PCDH11X: variants seen among roughly 807,000 people sequenced by gnomAD.
The protein encoded by PCDH11X is protocadherin-11 X-linked.
PCDH11X carries 18 observed loss-of-function variants against 53.3 expected under a neutral mutation model. The ratio of observed to expected loss-of-function variants is 0.34; its 90% CI spans 0.23 to 0.50. The LOEUF is 0.50. Ranked by LOEUF, PCDH11X falls within the 20% of genes least tolerant of loss-of-function variation. The probability of loss-of-function intolerance (pLI) is 0.98; values close to 1 mark genes in which losing one functional copy is unlikely to be tolerated. For missense variants in PCDH11X, 570 were observed against 1,032.4 expected (o/e 0.55, Z 6.14); for synonymous variants, 279 against 393.3 (o/e 0.71, Z 3.44).
intron 1 of PCDH11X, among the ~76,000 whole-genome samples, chrX:91,802,040 T>A (rs1266979721): frequency 8.8e-6 from 1 of 113,403 alleles, no homozygotes; most frequent in Non-Finnish European, 1.9e-5. Context: ...GGGCAGATAC[T>A]CTTCCTGTCC....
intron 6 of PCDH11X, among the ~76,000 whole-genome samples, chrX:92,190,072 C>T (rs1469534854): frequency 8.9e-6 from 1 of 111,786 alleles, no homozygotes; most frequent in African/African-American, 3.3e-5. Flanking sequence ...TTAATTAGAT[C>T]CCATTTTTCA....
At chrX:92,302,249 G>A (rs2068739533) in intron 8 of PCDH11X, among the ~76,000 whole-genome samples, 1 of 111,250 alleles carries the variant, frequency 9.0e-6, no homozygotes, top group Non-Finnish European at 1.9e-5. Context: ...TCAGGTAAAA[G>A]GGAATGTTGT....
At position 92,071,409 on chromosome X, in the gene PCDH11X, A is replaced by G. The variant is rs773474123; in HGVS notation, c.3034-129966A>G. On this transcript the variant is annotated intron_variant, in intron 6 of 10. Transcript: ENST00000682573. ...GATTTTCCTCAAAACAGTTTTTTGA[A>G]TTATCTCTCTGAAACATCATATATC... 4.5e-5 allele frequency among the ~76,000 whole-genome samples: 5 copies of G among 111,326 alleles called. No individual in the cohort carries two copies. In the East Asian group the frequency reaches 1.4e-3, roughly 32 times the overall value.
chrX:92,160,897 G>A (rs1313473065), intron 6 of PCDH11X, among the ~76,000 whole-genome samples: 1 of 110,624 alleles, frequency 9.0e-6, no homozygotes, highest in Non-Finnish European at 1.9e-5. Context: ...TCACATTGTG[G>A]TTTTTATTTG....
At chrX:92,104,787 C>A (rs1212641896) in intron 6 of PCDH11X, among the ~76,000 whole-genome samples, 2 of 109,383 alleles carry the variant, frequency 1.8e-5, no homozygotes, top group African/African-American at 6.7e-5. Flanking sequence ...AGAGTTGGGG[C>A]ACGGAAATAA....
chrX:91,905,721 A>G (rs990625718), intron 6 of PCDH11X, among the ~76,000 whole-genome samples: 1 of 111,447 alleles, frequency 9.0e-6, no homozygotes, highest in Admixed American at 9.6e-5. Context: ...CCTCTGTGTC[A>G]ACTCTACACT....
At chrX:92,225,061 A>G (rs999894236) in intron 7 of PCDH11X, among the ~76,000 whole-genome samples, 3 of 111,720 alleles carry the variant, frequency 2.7e-5, no homozygotes, top group Admixed American at 9.6e-5. Flanking sequence ...TATTGCAACA[A>G]CTATTAAAAA....
At chrX:92,039,906 T>C (rs2760007) in intron 6 of PCDH11X, among the ~76,000 whole-genome samples, 25,876 of 96,460 alleles carry the variant, frequency 0.27, 5,280 homozygotes, top group African/African-American at 0.52. Context: ...TTACTCAGAG[T>C]CTATTGAATT....
intron 6 of PCDH11X, among the ~76,000 whole-genome samples, chrX:91,914,169 A>G (rs1234253716): frequency 1.8e-5 from 2 of 110,558 alleles, no homozygotes; most frequent in South Asian, 7.8e-4. Flanking sequence ...ACTGCAGACC[A>G]GCTTTCAGGA....
chrX:92,332,188 T>C (rs1216849787), intron 8 of PCDH11X, among the ~76,000 whole-genome samples: 1 of 112,325 alleles, frequency 8.9e-6, no homozygotes, highest in Non-Finnish European at 1.9e-5. Flanking sequence ...TTGAAGAAAA[T>C]GGCATGATAT....
chrX:92,359,078 T>C (rs1201526171), intron 8 of PCDH11X, among the ~76,000 whole-genome samples: 2 of 109,479 alleles, frequency 1.8e-5, no homozygotes, highest in Admixed American at 2.0e-4. Context: ...GGCTATTTTT[T>C]CATCTAATTT....
chrX:91,784,258 G>A (rs1167242190), intron 1 of PCDH11X, among the ~76,000 whole-genome samples: 1 of 112,211 alleles, frequency 8.9e-6, no homozygotes, highest in Admixed American at 9.4e-5. Context: ...ATACATTGAT[G>A]TATTACAGTA....
rs768123942 is a variant in PCDH11X at position 91,800,006 on chromosome X, T to C, written c.-378-9460T>C. ...CGGGAGGCTGAGGCACAAGAATCGCTTGAACCCGGGAGGCGGAGGTTGCAG... is the reference window on the plus strand; with the variant it reads ...CGGGAGGCTGAGGCACAAGAATCGCCTGAACCCGGGAGGCGGAGGTTGCAG... On this transcript the variant is annotated intron_variant, in intron 1 of 10. Transcript: ENST00000682573. 9.8e-5 allele frequency among the ~76,000 whole-genome samples: 11 copies of C among 112,463 alleles called. No individual in the cohort carries two copies. In the East Asian group the frequency reaches 3.1e-3, roughly 32 times the overall value.
intron 6 of PCDH11X, among the ~76,000 whole-genome samples, chrX:92,112,122 AAAG>A (rs1313672580): frequency 9.1e-6 from 1 of 109,435 alleles, no homozygotes; most frequent in Non-Finnish European, 1.9e-5. Context: ...AAAAAAAAAA[AAAG>A]GTATCAGCTA....
intron 1 of PCDH11X, among the ~76,000 whole-genome samples, chrX:91,789,200 C>CAAAAAAAAAAAAAAAAAAAAAAAAAAA (rs764959497): frequency 2.1e-5 from 1 of 47,225 alleles, no homozygotes; most frequent in Non-Finnish European, 4.1e-5. Context: ...GACTCCGTCT[C>CAAAAAAAAAAAAAAAAAAAAAAAAAAA]AAAAAAAAAA....
At chrX:91,952,106 G>A (rs1339300280) in intron 6 of PCDH11X, among the ~76,000 whole-genome samples, 2 of 110,865 alleles carry the variant, frequency 1.8e-5, no homozygotes, top group African/African-American at 6.5e-5. Flanking sequence ...AGGAAATTGG[G>A]CTTCATGGTA....
chrX:92,369,339 C>T (rs2070556049), intron 8 of PCDH11X, among the ~76,000 whole-genome samples: 1 of 110,909 alleles, frequency 9.0e-6, no homozygotes, highest in Non-Finnish European at 1.9e-5. Context: ...TATAAAGCCT[C>T]AGTAATGGCG....
At chrX:91,990,674 T>G (rs887653850) in intron 6 of PCDH11X, among the ~76,000 whole-genome samples, 1 of 107,878 alleles carries the variant, frequency 9.3e-6, no homozygotes, top group African/African-American at 3.4e-5. Flanking sequence ...AAATCCCAAT[T>G]TCCCACTCAA....
At chrX:91,783,798 C>A (rs1935241271) in intron 1 of PCDH11X, among the ~76,000 whole-genome samples, 1 of 112,161 alleles carries the variant, frequency 8.9e-6, no homozygotes, top group Non-Finnish European at 1.9e-5. Context: ...TCTTGCTTCA[C>A]ATAATTTAAA....
Sources: gnomAD v4.1 joint callset for allele counts (sites outside exome capture counted in the v4.1 genomes callset) on GRCh38, gnomAD v4.1.1 for gene constraint, MANE v1.5 for transcripts, NCBI Gene and HGNC (gene_info 2026-07-23, HGNC 2026-07-21) for gene names.